The following MAGI1 variants were observed in gnomAD, a reference collection of about 807,000 sequenced individuals.
The protein encoded by MAGI1 is membrane-associated guanylate kinase, WW and PDZ domain-containing protein 1.
Under a neutral mutation model 139.9 loss-of-function variants are expected in MAGI1, and 58 were observed. The ratio of observed to expected loss-of-function variants is 0.41; its 90% CI spans 0.34 to 0.52. MAGI1 has a LOEUF of 0.52. Among genes scored for constraint, MAGI1 ranks in the 20% least tolerant of loss-of-function variants. The pLI is 0.12. For synonymous variants in MAGI1, 812 were observed against 737.9 expected (o/e 1.10, Z -1.63); for missense variants, 1,874 against 1,901.6 (o/e 0.99, Z 0.27).
chr3:65,369,698 A>G (rs919626187), intron 18 of MAGI1, among the ~76,000 whole-genome samples: 1 of 151,986 alleles, frequency 6.6e-6, no homozygotes, highest in Non-Finnish European at 1.5e-5. Context: ...TAGTAGAGAC[A>G]GCGTTTCGCC....
At chr3:65,697,195 A>G (rs1341360492) in intron 1 of MAGI1, among the ~76,000 whole-genome samples, 1 of 152,154 alleles carries the variant, frequency 6.6e-6, no homozygotes, top group Non-Finnish European at 1.5e-5. Flanking sequence ...ATCTCTGAAT[A>G]GACCAATAAC....
chr3:65,896,961 C>G (rs1312335077), intron 1 of MAGI1, among the ~76,000 whole-genome samples: 1 of 151,930 alleles, frequency 6.6e-6, no homozygotes, highest in Non-Finnish European at 1.5e-5. Flanking sequence ...TCCCAGGATC[C>G]CCTTGGATAC....
At position 65,379,538 on chromosome 3, in the gene MAGI1, G is replaced by T. The variant is rs370716808; in HGVS notation, c.2718C>A (p.Asn906Lys). ...GAGAGGAGGCTGGCGAGGGCACCTC[G>T]TTCTCGGTTTTGGGCACTGTAGCAG... ...KVVFAVPKTE[N>K]EVPSPASSHH... The change falls in exon 17 of 23, where the codon AAC becomes AAA. Residue 906 changes from asparagine to lysine, a missense_variant. Physicochemically the swap from Asn to Lys is moderately conservative, Grantham distance 94. Coordinates refer to ENST00000402939, the MANE Select transcript of MAGI1 (RefSeq NM_001033057.2). 6.2e-6 allele frequency: 10 copies of T among 1,609,874 alleles called. No homozygotes were observed. In the African/African-American group the frequency reaches 1.1e-4, roughly 17 times the overall value.
intron 1 of MAGI1, among the ~76,000 whole-genome samples, chr3:66,025,358 G>A (rs1331564915): frequency 6.7e-6 from 1 of 149,480 alleles, no homozygotes; most frequent in Non-Finnish European, 1.5e-5. Flanking sequence ...GAGCAAGACA[G>A]TGAAACCCTG....
chr3:65,553,452 T>C (rs1284851724), intron 2 of MAGI1, among the ~76,000 whole-genome samples: 1 of 152,214 alleles, frequency 6.6e-6, no homozygotes, highest in Non-Finnish European at 1.5e-5. Context: ...GTCTCCTTTA[T>C]TCAGTCAACA....
intron 1 of MAGI1, among the ~76,000 whole-genome samples, chr3:65,756,656 T>C (rs1037099819): frequency 3.3e-5 from 5 of 152,166 alleles, no homozygotes; most frequent in Non-Finnish European, 2.9e-5. Context: ...CTGAAGTGCA[T>C]TATGGTGCCA....
chr3:65,486,748 C>A (rs942584247), intron 3 of MAGI1, among the ~76,000 whole-genome samples: 1 of 152,102 alleles, frequency 6.6e-6, no homozygotes, highest in Non-Finnish European at 1.5e-5. Context: ...TTCTTTACAT[C>A]GCCAGGAAGG....
chr3:65,619,033 A>T (rs2083523826), intron 2 of MAGI1, among the ~76,000 whole-genome samples: 1 of 152,234 alleles, frequency 6.6e-6, no homozygotes, highest in Non-Finnish European at 1.5e-5. Context: ...GTTCTTGAAT[A>T]AAGGGAAGAT....
intron 7 of MAGI1, among the ~76,000 whole-genome samples, chr3:65,445,881 T>C (rs1948646595): frequency 6.6e-6 from 1 of 152,194 alleles, no homozygotes; most frequent in South Asian, 2.1e-4. Flanking sequence ...TGGAATTACA[T>C]TGTTCACTGA....
chr3:66,026,181 G>T (rs1176816163), intron 1 of MAGI1, among the ~76,000 whole-genome samples: 3 of 152,082 alleles, frequency 2.0e-5, no homozygotes, highest in East Asian at 1.9e-4. Context: ...AATCCAGGTG[G>T]TAAAATACTA....
rs1007670315 is a variant in MAGI1, at chr3:65,752,763, T to C, written c.314-130675A>G. ...CCAGCCCAGTCTTAGCAAAGAATCC[T>C]ACTCAGTCATATCCCACCCCGACTT... On this transcript the variant is annotated intron_variant, in intron 1 of 22. Coordinates refer to ENST00000402939, the MANE Select transcript of MAGI1 (RefSeq NM_001033057.2). 3.0e-4 allele frequency among the ~76,000 whole-genome samples: 46 copies of C among 152,334 alleles called. 1 individual carries two copies. Among genetic ancestry groups the C allele is most frequent in the Admixed American group, 2.0e-3 (31 of 15,312 alleles).
intron 1 of MAGI1, among the ~76,000 whole-genome samples, chr3:66,019,021 C>T (rs76770181): frequency 0.069 from 10,461 of 152,188 alleles, 397 homozygotes; most frequent in East Asian, 0.08. Context: ...TTCACTCATT[C>T]ATTCCACAAA....
chr3:65,371,379 CATT>C (rs1941974078), intron 18 of MAGI1, among the ~76,000 whole-genome samples: 1 of 152,180 alleles, frequency 6.6e-6, no homozygotes, highest in Non-Finnish European at 1.5e-5. Context: ...TGTGCAATGG[CATT>C]ATGTTTAAAA....
intron 1 of MAGI1, among the ~76,000 whole-genome samples, chr3:66,028,331 T>C (rs2068407605): frequency 6.6e-6 from 1 of 152,178 alleles, no homozygotes; most frequent in African/African-American, 2.4e-5. Context: ...GGCAGGGTAG[T>C]ACAAGTTTTA....
chr3:65,710,312 C>T (rs1369027473), intron 1 of MAGI1, among the ~76,000 whole-genome samples: 5 of 114,356 alleles, frequency 4.4e-5, no homozygotes, highest in African/African-American at 1.7e-4. Context: ...CAGAGTTTTG[C>T]CCTTGTTGCC....
At chr3:65,741,417 G>A (rs1451325380) in intron 1 of MAGI1, among the ~76,000 whole-genome samples, 5 of 152,084 alleles carry the variant, frequency 3.3e-5, no homozygotes, top group East Asian at 1.9e-4. Flanking sequence ...CTCCTGATCC[G>A]CCCGCCTCGG....
chr3:65,665,918 C>A (rs1355328354), intron 1 of MAGI1, among the ~76,000 whole-genome samples: 1 of 152,166 alleles, frequency 6.6e-6, no homozygotes, highest in Non-Finnish European at 1.5e-5. Context: ...AATCTGTATA[C>A]CATAGAGCGC....
intron 1 of MAGI1, among the ~76,000 whole-genome samples, chr3:65,677,033 G>A (rs951060800): frequency 1.3e-5 from 2 of 152,004 alleles, no homozygotes; most frequent in East Asian, 1.9e-4. Flanking sequence ...AGGACCCTTC[G>A]GAAATTTAAA....
chr3:65,382,363 T>G (rs1404267010), intron 15 of MAGI1, among the ~76,000 whole-genome samples: 1 of 152,190 alleles, frequency 6.6e-6, no homozygotes, highest in East Asian at 1.9e-4. Flanking sequence ...TTATATACCC[T>G]ATTCTTCTTT....
Sources: gnomAD v4.1 joint callset for allele counts (sites outside exome capture counted in the v4.1 genomes callset) on GRCh38, gnomAD v4.1.1 for gene constraint, MANE v1.5 for transcripts, NCBI Gene and HGNC (gene_info 2026-07-23, HGNC 2026-07-21) for gene names.